Variants in PDSS2 observed in about 807,000 individuals in gnomAD.
PDSS2 encodes all trans-polyprenyl-diphosphate synthase PDSS2.
In PDSS2, 31 loss-of-function variants were observed where a neutral mutation model predicts 44.5. That is an observed-to-expected ratio of 0.70 (90% CI 0.52 to 0.94). The LOEUF is 0.94. PDSS2 is among the 40% of genes least tolerant of loss of function. The probability of loss-of-function intolerance (pLI) is 0.00; values close to 1 mark genes in which losing one functional copy is unlikely to be tolerated. For missense variants in PDSS2, 452 were observed against 482.2 expected, an observed-to-expected ratio of 0.94 and a Z score of 0.59; for synonymous variants, 157 against 180.3, an observed-to-expected ratio of 0.87 and a Z score of 1.03.
intron 2 of PDSS2, among the ~76,000 whole-genome samples, chr6:107,331,364 G>T (rs1345131994): frequency 6.6e-6 from 1 of 151,972 alleles, no homozygotes; most frequent in Non-Finnish European, 1.5e-5. Context: ...TACATGCCAG[G>T]ATTATTCCCT....
At chr6:107,386,780 G>C (rs934762011) in intron 1 of PDSS2, among the ~76,000 whole-genome samples, 3 of 152,160 alleles carry the variant, frequency 2.0e-5, no homozygotes, top group Non-Finnish European at 4.4e-5. Flanking sequence ...AATCAATTTT[G>C]TTCTTTCATC....
chr6:107,334,497 C>T (rs1777813884), intron 1 of PDSS2, among the ~76,000 whole-genome samples, 165 bp from the exon 2 acceptor site: 1 of 150,882 alleles, frequency 6.6e-6, no homozygotes, highest in Non-Finnish European at 1.5e-5. Context: ...GCCATGAGTT[C>T]AGGAAACAAC....
chr6:107,407,101 C>T (rs892702039), intron 1 of PDSS2, among the ~76,000 whole-genome samples: 1 of 152,008 alleles, frequency 6.6e-6, no homozygotes. Context: ...CCATAAGATG[C>T]AATATTATTC....
At chr6:107,173,428 G>C (rs545283583) in intron 7 of PDSS2, among the ~76,000 whole-genome samples, 2 of 151,660 alleles carry the variant, frequency 1.3e-5, no homozygotes, top group African/African-American at 4.8e-5. Context: ...ACAAAAATTA[G>C]TTGGGCGTGG....
intron 3 of PDSS2, among the ~76,000 whole-genome samples, chr6:107,255,764 A>G (rs1454182245): frequency 6.6e-6 from 1 of 152,142 alleles, no homozygotes; most frequent in African/African-American, 2.4e-5. Context: ...AATTACACAC[A>G]AGGTCTTCCA....
chr6:107,428,121 G>C (rs150890499), intron 1 of PDSS2, among the ~76,000 whole-genome samples: 7 of 152,130 alleles, frequency 4.6e-5, no homozygotes, highest in African/African-American at 1.7e-4. Flanking sequence ...TTACTCACTA[G>C]TACACTGCAG....
chr6:107,401,775 A>C (rs556545888), intron 1 of PDSS2, among the ~76,000 whole-genome samples: 1 of 152,262 alleles, frequency 6.6e-6, no homozygotes, highest in South Asian at 2.1e-4. Context: ...AACAGAATAG[A>C]CTAAGCAGGT....
At chr6:107,295,764 C>T (rs1003570342) in intron 2 of PDSS2, among the ~76,000 whole-genome samples, 9 of 152,188 alleles carry the variant, frequency 5.9e-5, no homozygotes, top group South Asian at 2.1e-4. Context: ...ATTGGCATCA[C>T]GCTACAGCAA....
rs547685990 is a variant in PDSS2 at position 107,256,562 on chromosome 6, G to A, written c.631-10943C>T. 5.9e-5 allele frequency among the ~76,000 whole-genome samples: 9 copies of A among 152,214 alleles called. No individual in the cohort carries two copies. The South Asian group carries it at 6.2e-4, about 11-fold the overall frequency. ...AGGCACAGAAATAAAATCATGATTC[G>A]TGTGCCTTAAAATCCATGCAATTTG... is the stretch of plus-strand genomic sequence containing the variant. On this transcript the variant is annotated intron_variant, in intron 3 of 7. Coordinates refer to ENST00000369037, the MANE Select transcript of PDSS2 (RefSeq NM_020381.4).
At chr6:107,405,486 T>C (rs981753168) in intron 1 of PDSS2, among the ~76,000 whole-genome samples, 2 of 151,374 alleles carry the variant, frequency 1.3e-5, no homozygotes, top group African/African-American at 4.9e-5. Context: ...ACAATCAATA[T>C]CATGACAGGA....
chr6:107,337,287 G>A (rs1777935846), intron 1 of PDSS2, among the ~76,000 whole-genome samples: 1 of 152,150 alleles, frequency 6.6e-6, no homozygotes, highest in Non-Finnish European at 1.5e-5. Context: ...TACCTGGTAG[G>A]TGGCAGAACC....
chr6:107,169,525 A>G (rs1346927248), intron 7 of PDSS2, among the ~76,000 whole-genome samples: 4 of 152,038 alleles, frequency 2.6e-5, no homozygotes, highest in African/African-American at 9.7e-5. Flanking sequence ...TGACGAGGAG[A>G]TGCATTCCTT....
chr6:107,298,673 G>C, intron 2 of PDSS2, among the ~76,000 whole-genome samples: 1 of 152,296 alleles, frequency 6.6e-6, no homozygotes, highest in South Asian at 2.1e-4. Flanking sequence ...ATAGGCATAT[G>C]TGTTTGTACA....
chr6:107,332,564 A>T (rs1777746825), intron 2 of PDSS2, among the ~76,000 whole-genome samples: 1 of 152,142 alleles, frequency 6.6e-6, no homozygotes, highest in Non-Finnish European at 1.5e-5. Flanking sequence ...CTGATCTATA[A>T]CTGAAATACA....
At chr6:107,444,267 G>A (rs957048412) in intron 1 of PDSS2, among the ~76,000 whole-genome samples, 9 of 152,110 alleles carry the variant, frequency 5.9e-5, no homozygotes, top group African/African-American at 2.2e-4. Context: ...CTGAGCTTCA[G>A]CAATCCTTTC....
At chr6:107,384,964 C>T (rs531672945) in intron 1 of PDSS2, among the ~76,000 whole-genome samples, 3 of 152,132 alleles carry the variant, frequency 2.0e-5, no homozygotes, top group Admixed American at 1.3e-4. Context: ...GTTCTACTTC[C>T]CTTCTTCATA....
intron 4 of PDSS2, among the ~76,000 whole-genome samples, chr6:107,218,146 C>T (rs1223694820): frequency 6.6e-6 from 1 of 152,212 alleles, no homozygotes. Context: ...TGTGTGTACA[C>T]CCTGAATTGC....
intron 2 of PDSS2, among the ~76,000 whole-genome samples, chr6:107,318,881 G>A (rs1030280229): frequency 4.4e-4 from 67 of 152,108 alleles, no homozygotes; most frequent in Non-Finnish European, 8.4e-4. Context: ...CCAGCTACTT[G>A]GGAGGCTGAG....
chr6:107,424,694 T>C (rs1201199474), intron 1 of PDSS2, among the ~76,000 whole-genome samples: 1 of 152,192 alleles, frequency 6.6e-6, no homozygotes, highest in Non-Finnish European at 1.5e-5. Context: ...TAAAATGAAT[T>C]GTATACCTTT....
Sources: gnomAD v4.1 joint callset for allele counts (sites outside exome capture counted in the v4.1 genomes callset) on GRCh38, gnomAD v4.1.1 for gene constraint, MANE v1.5 for transcripts, NCBI Gene and HGNC (gene_info 2026-07-23, HGNC 2026-07-21) for gene names.